Variants in IGSF11 observed in about 807,000 individuals in gnomAD.
IGSF11 encodes the protein CXADR like 1.
A neutral mutation model predicts 41.0 loss-of-function variants in IGSF11; 22 were observed. The observed-to-expected ratio is 0.54, with a 90% CI of 0.38 to 0.77. The LOEUF (loss-of-function observed/expected upper bound fraction) is 0.77. Ranked by LOEUF, IGSF11 falls within the 30% of genes least tolerant of loss-of-function variation. The pLI is 0.00. For missense variants in IGSF11, 444 were observed against 530.8 expected (o/e 0.84, Z 1.61); for synonymous variants, 219 against 201.3 (o/e 1.09, Z -0.74).
chr3:119,007,538 T>C (rs975643951), intron 1 of IGSF11, among the ~76,000 whole-genome samples: 1 of 152,144 alleles, frequency 6.6e-6, no homozygotes, highest in African/African-American at 2.4e-5. Flanking sequence ...TTCCAACCTT[T>C]GGCAAACACC....
intron 1 of IGSF11, among the ~76,000 whole-genome samples, chr3:119,112,452 G>A (rs533069296): frequency 1.1e-4 from 16 of 152,276 alleles, no homozygotes; most frequent in East Asian, 5.8e-4. Context: ...TTGGAAAAGC[G>A]CAGTATTTGG....
rs79810492 is a variant in IGSF11 at position 118,939,788 on chromosome 3, C to T, written c.53-9513G>A. ...GTTTATAATCAATGACCTAAGTTTC[C>T]ACCTTAAGAAACTTTTTAAAAATTA... On this transcript the variant is annotated intron_variant, in intron 1 of 6. Transcript: ENST00000393775. Among the ~76,000 whole-genome samples, 250 of 152,132 alleles carry T rather than the reference C, an allele frequency of 1.6e-3. 3 individuals are homozygous for T. The highest frequency in any genetic ancestry group is 5.9e-3 in the African/African-American group (246 of 41,516).
At chr3:118,957,765 T>C (rs191049292) in intron 1 of IGSF11, among the ~76,000 whole-genome samples, 31 of 152,384 alleles carry the variant, frequency 2.0e-4, no homozygotes, top group Admixed American at 3.3e-4. Context: ...AGCAGTCAAC[T>C]GCCAGCAGAG....
chr3:118,963,230 A>G (rs1945460951), intron 1 of IGSF11, among the ~76,000 whole-genome samples: 1 of 152,194 alleles, frequency 6.6e-6, no homozygotes, highest in African/African-American at 2.4e-5. Flanking sequence ...TATGTATCCT[A>G]AGCACCCAGG....
chr3:118,931,674 T>C (rs1220385937), intron 1 of IGSF11, among the ~76,000 whole-genome samples: 2 of 152,046 alleles, frequency 1.3e-5, no homozygotes, highest in Non-Finnish European at 2.9e-5. Flanking sequence ...ACTGGGACTT[T>C]TTAGTGATGG....
At chr3:119,124,369 C>A (rs7651570) in intron 1 of IGSF11, among the ~76,000 whole-genome samples, 10 of 145,844 alleles carry the variant, frequency 6.9e-5, no homozygotes, top group African/African-American at 2.6e-4. Flanking sequence ...CGGGTTCAAG[C>A]GATTTTCATG....
rs914210659 is a variant in IGSF11 at position 119,091,893 on chromosome 3, T to G, written c.49+13251A>C. Among the ~76,000 whole-genome samples the G allele has an allele frequency of 3.3e-5, 5 of 151,762 alleles. 1 individual carries two copies. Among genetic ancestry groups the G allele is most frequent in the East Asian group, 3.9e-4 (2 of 5,174 alleles). ...AAATAGGAAAATAAAAATAAAAAAT[T>G]TAAAAATAGAAAAAAACTTACAGAG... On this transcript the variant is annotated intron_variant, in intron 1 of 6. Transcript: ENST00000354673.
At chr3:119,063,195 G>A (rs1169299213) in intron 1 of IGSF11, among the ~76,000 whole-genome samples, 1 of 152,106 alleles carries the variant, frequency 6.6e-6, no homozygotes, top group East Asian at 1.9e-4. Flanking sequence ...ACTAACAAAT[G>A]TGAAAAGTGG....
chr3:118,913,777 C>T (rs1425344714), intron 4 of IGSF11, among the ~76,000 whole-genome samples: 1 of 151,758 alleles, frequency 6.6e-6, no homozygotes, highest in Non-Finnish European at 1.5e-5. Flanking sequence ...TATACGTAAA[C>T]GATGATGAAA....
chr3:119,086,612 C>T (rs906521951), intron 1 of IGSF11, among the ~76,000 whole-genome samples: 1 of 152,174 alleles, frequency 6.6e-6, no homozygotes, highest in Non-Finnish European at 1.5e-5. Flanking sequence ...GGCCTATTTT[C>T]AGCACTCTTA....
intron 1 of IGSF11, among the ~76,000 whole-genome samples, chr3:119,059,367 ACAC>A (rs1253982370): frequency 6.6e-6 from 1 of 152,152 alleles, no homozygotes; most frequent in Non-Finnish European, 1.5e-5. Flanking sequence ...AGACATGAGG[ACAC>A]AAAGGCGTAA....
At chr3:119,111,831 A>T (rs1486311957) in intron 1 of IGSF11, among the ~76,000 whole-genome samples, 7 of 152,104 alleles carry the variant, frequency 4.6e-5, no homozygotes, top group Non-Finnish European at 1.0e-4. Flanking sequence ...CAACTGCAGG[A>T]CTGTTGGAGT....
At chr3:119,047,169 A>G (rs1397177668) in intron 1 of IGSF11, among the ~76,000 whole-genome samples, 1 of 151,032 alleles carries the variant, frequency 6.6e-6, no homozygotes, top group Non-Finnish European at 1.5e-5. Flanking sequence ...ATGTAAATGG[A>G]CTAAATGCTC....
chr3:119,117,354 A>G (rs755023136), intron 1 of IGSF11, among the ~76,000 whole-genome samples: 12 of 152,198 alleles, frequency 7.9e-5, no homozygotes, highest in Non-Finnish European at 1.6e-4. Context: ...GATGCCTCAC[A>G]ATAATGAAGG....
chr3:118,920,147 T>C (rs1214420321), intron 4 of IGSF11, among the ~76,000 whole-genome samples: 2 of 142,490 alleles, frequency 1.4e-5, no homozygotes, highest in African/African-American at 5.2e-5. Flanking sequence ...CATTGGGAGA[T>C]ATACCTAAGG....
chr3:119,108,025 G>T (rs951830732), upstream of IGSF11, among the ~76,000 whole-genome samples: 1 of 151,568 alleles, frequency 6.6e-6, no homozygotes, highest in African/African-American at 2.4e-5. Flanking sequence ...GTAGTGTGAT[G>T]CCTCCAGCTT....
At chr3:118,972,233 G>C (rs1416106125) in intron 1 of IGSF11, among the ~76,000 whole-genome samples, 1 of 152,224 alleles carries the variant, frequency 6.6e-6, no homozygotes, top group East Asian at 1.9e-4. Context: ...ATTCCTGTAG[G>C]ATCCAGACAG....
At chr3:119,133,297 T>G (rs148591995) in intron 1 of IGSF11, among the ~76,000 whole-genome samples, 1 of 151,866 alleles carries the variant, frequency 6.6e-6, no homozygotes, top group Non-Finnish European at 1.5e-5. Flanking sequence ...TTTGAAAAGA[T>G]CAACAAAATT....
rs34908332 is a variant in IGSF11, at chr3:118,902,653, C to T, written c.1163G>A (p.Ser388Asn). ...RGSSPQVMSR[S>N]NGSVSRKPRP... ...AGGCTTCCTACTGACTGAGCCATTG[C>T]TCCTGGACATCACCTGTGGTGATGA... Residue 388 changes from serine to asparagine, a missense_variant, in exon 7 of 7, where the codon AGC becomes AAC. Around this residue, in one of 3 missense-constraint regions of IGSF11, gnomAD observed 223 missense variants for 226.2 expected, o/e 0.99. Coordinates refer to ENST00000393775, the MANE Select transcript of IGSF11 (RefSeq NM_001015887.3). 131,844 of 1,613,998 alleles carry T rather than the reference C, an allele frequency of 0.082. 6,147 individuals carry two copies. Among genetic ancestry groups the T allele is most frequent in the Non-Finnish European group, 0.095 (112,625 of 1,179,934 alleles).
Sources: gnomAD v4.1 joint callset for allele counts (sites outside exome capture counted in the v4.1 genomes callset) on GRCh38, gnomAD v4.1.1 for gene constraint, gnomAD v4.1.1 regional missense constraint, MANE v1.5 for transcripts, NCBI Gene and HGNC (gene_info 2026-07-23, HGNC 2026-07-21) for gene names.